ARMH3: variants seen among roughly 807,000 people sequenced by gnomAD.
ARMH3 encodes the protein armadillo-like helical domain-containing protein 3.
In ARMH3, 60 loss-of-function variants were observed where a neutral mutation model predicts 99.1. That is an observed-to-expected ratio of 0.61 (90% confidence interval 0.49 to 0.75). The LOEUF is 0.75. ARMH3 is among the 30% of genes least tolerant of loss of function. The pLI is 0.00. For synonymous variants in ARMH3, 285 were observed against 292.8 expected, an observed-to-expected ratio of 0.97 and a Z score of 0.27; for missense variants, 679 against 843.1, an observed-to-expected ratio of 0.81 and a Z score of 2.41.
intron 1 of ARMH3, among the ~76,000 whole-genome samples, chr10:102,043,633 C>A (rs961897432): frequency 6.6e-6 from 1 of 152,182 alleles, no homozygotes; most frequent in Non-Finnish European, 1.5e-5. Flanking sequence ...TTGATCCAAG[C>A]TTTTAAATCC....
intron 6 of ARMH3, among the ~76,000 whole-genome samples, 198 bp downstream of exon 6, chr10:102,024,958 C>A (rs965135742): frequency 6.6e-6 from 1 of 152,080 alleles, no homozygotes; most frequent in African/African-American, 2.4e-5. Flanking sequence ...GCCTGCAGGC[C>A]AAAAATGCCA....
intron 24 of ARMH3, among the ~76,000 whole-genome samples, chr10:101,856,299 T>C (rs564960948): frequency 2.6e-5 from 4 of 152,372 alleles, no homozygotes; most frequent in South Asian, 2.1e-4. Context: ...CAGCAATATC[T>C]GATTTTGGCT....
At chr10:101,985,207 T>C in intron 19 of ARMH3, among the ~76,000 whole-genome samples, 1 of 145,822 alleles carries the variant, frequency 6.9e-6, no homozygotes, top group East Asian at 2.0e-4. Context: ...TATATATACG[T>C]ATATATGTAT....
At chr10:101,985,510 T>A (rs1437174318) in intron 19 of ARMH3, among the ~76,000 whole-genome samples, 9 of 148,594 alleles carry the variant, frequency 6.1e-5, no homozygotes, top group African/African-American at 2.0e-4. Flanking sequence ...TGGCCAGGAG[T>A]TCAAGACAGC....
intron 24 of ARMH3, among the ~76,000 whole-genome samples, chr10:101,866,391 G>C (rs2067003541): frequency 6.6e-6 from 1 of 151,712 alleles, no homozygotes; most frequent in African/African-American, 2.4e-5. Flanking sequence ...ACAAGAAGAG[G>C]CTGAATTGCT....
Position 101,847,424 on chromosome 10 carries a change from G to T in ARMH3, c.*104C>A. 1 of 1,177,616 alleles carries T rather than the reference G, an allele frequency of 8.5e-7. No homozygotes were observed. Among genetic ancestry groups the T allele is most frequent in the Non-Finnish European group, 1.3e-6 (1 of 794,928 alleles). 72.9% of individuals were successfully genotyped at this position (1,177,616 alleles called of 1,614,324 possible). A position where few individuals can be genotyped will look rare whatever the true frequency, so the allele number is the denominator to read the frequency against. On this transcript the variant is annotated 3_prime_UTR_variant, in exon 26 of 26. Coordinates refer to ENST00000370033, the MANE Select transcript of ARMH3 (RefSeq NM_024541.3). ...TTCACCAAGAGAACTTGGTATCTGT[G>T]TTTCTCTCCAACCTCGGGGGCAGCC...
chr10:101,967,402 G>T (rs1845584360), intron 20 of ARMH3, among the ~76,000 whole-genome samples: 1 of 152,128 alleles, frequency 6.6e-6, no homozygotes, highest in Non-Finnish European at 1.5e-5. Flanking sequence ...CAGCAGAGTG[G>T]TGCAGGAGAG....
chr10:101,975,060 A>AAAAAAAAAAAAAAAAG (rs1845932895), intron 20 of ARMH3, 152 bp downstream of exon 20: 1 of 402,264 alleles, frequency 2.5e-6, no homozygotes, highest in Non-Finnish European at 4.4e-6. Context: ...AAAAAAAAAA[A>AAAAAAAAAAAAAAAAG]AAAAAAAAAA....
chr10:101,971,952 G>A (rs1845789181), intron 20 of ARMH3, among the ~76,000 whole-genome samples: 1 of 152,182 alleles, frequency 6.6e-6, no homozygotes, highest in African/African-American at 2.4e-5. Flanking sequence ...GCTGAAAACA[G>A]AGCAATGCAG....
intron 24 of ARMH3, among the ~76,000 whole-genome samples, chr10:101,875,093 G>A (rs2067228792): frequency 1.3e-5 from 2 of 152,152 alleles, no homozygotes; most frequent in South Asian, 2.1e-4. Flanking sequence ...CATTAAGCCA[G>A]GGCAACCCTT....
Position 101,975,238 on chromosome 10 carries a change from T to C in ARMH3, c.1469A>G (p.His490Arg). ...TGACCAGAGCTCCCGCCAGGTGTAA[T>C]GCAGGCGTACCCGACACTTCTTCTG... is the stretch of plus-strand genomic sequence containing the variant. Reference protein sequence around the residue: ...CYQKKCRVRLHYTWRELWSAL... With the variant: ...CYQKKCRVRLRYTWRELWSAL... The change falls in exon 20 of 26, where the codon CAT becomes CGT. Residue 490 changes from histidine (H) to arginine (R), a missense_variant. His to Arg is a conservative substitution (Grantham distance 29). Transcript: ENST00000370033. The C allele has an allele frequency of 6.2e-7, 1 of 1,612,336 alleles. No individual in the cohort carries two copies. Among genetic ancestry groups the C allele is most frequent in the Non-Finnish European group, 8.5e-7 (1 of 1,178,920 alleles).
chr10:102,034,065 C>T (rs1167897721), intron 2 of ARMH3, among the ~76,000 whole-genome samples: 3 of 152,166 alleles, frequency 2.0e-5, no homozygotes, highest in African/African-American at 7.2e-5. Flanking sequence ...AAAGAGAGTA[C>T]ACAAGTTAAG....
chr10:101,934,876 T>G (rs1467074727), intron 23 of ARMH3, among the ~76,000 whole-genome samples: 1 of 152,020 alleles, frequency 6.6e-6, no homozygotes, highest in East Asian at 1.9e-4. Flanking sequence ...CTGCCAAGTG[T>G]TGGCAGGAAA....
chr10:102,032,025 A>AC (rs1270332841), intron 4 of ARMH3, among the ~76,000 whole-genome samples: 4 of 152,186 alleles, frequency 2.6e-5, no homozygotes, highest in Non-Finnish European at 5.9e-5. Context: ...GGCATGAGCC[A>AC]CCGCGCCCAG....
In ARMH3 at chr10:102,012,841, C is replaced by T. The variant is rs762287303; in HGVS notation, c.762G>A (p.Glu254=). ...TGGAAAGGTGGACTTACCTGTTGTA[C>T]TCAGATAAAGCCTGAGCAATTACAA... ...MGLVIAQALS[E]YNRQYKDKEE... Residue 254 remains glutamate (E), a synonymous_variant, in exon 10 of 26, where the codon GAG becomes GAA. Coordinates refer to ENST00000370033, the MANE Select transcript of ARMH3 (RefSeq NM_024541.3). The T allele has an allele frequency of 6.2e-7, 1 of 1,610,506 alleles. No individual in the cohort carries two copies. The highest frequency in any genetic ancestry group is 1.1e-5 in the South Asian group (1 of 90,222).
chr10:101,940,072 T>G, intron 22 of ARMH3, 134 bp from the exon 23 acceptor site: 2 of 617,818 alleles, frequency 3.2e-6, no homozygotes, highest in Non-Finnish European at 5.5e-6. Flanking sequence ...GTTAAAAACA[T>G]CCTCAGCTTA....
chr10:102,043,641 T>C (rs2067473295), intron 1 of ARMH3, among the ~76,000 whole-genome samples: 1 of 152,210 alleles, frequency 6.6e-6, no homozygotes, highest in African/African-American at 2.4e-5. Context: ...AGCTTTTAAA[T>C]CCTTCTGGCA....
At chr10:102,010,943 T>C (rs1343922448) in intron 11 of ARMH3, among the ~76,000 whole-genome samples, 1 of 152,138 alleles carries the variant, frequency 6.6e-6, no homozygotes. Context: ...GGAAAAAGAA[T>C]TGCAGAAGTG....
intron 6 of ARMH3, among the ~76,000 whole-genome samples, chr10:102,024,267 G>A (rs2066950422): frequency 6.6e-6 from 1 of 151,858 alleles, no homozygotes; most frequent in Non-Finnish European, 1.5e-5. Context: ...TGGCCAACAT[G>A]GTGAAACCCC....
Sources: allele counts gnomAD v4.1 joint callset (sites outside exome capture counted in the v4.1 genomes callset), GRCh38; gene constraint gnomAD v4.1.1; transcripts MANE v1.5; gene names NCBI Gene and HGNC (gene_info 2026-07-23, HGNC 2026-07-21).